FAT1: variants seen among roughly 807,000 people sequenced by gnomAD.
The protein encoded by FAT1 is protocadherin Fat 1.
In FAT1, 171 loss-of-function variants were observed where a neutral mutation model predicts 329.8. The ratio of observed to expected loss-of-function variants is 0.52; its 90% CI spans 0.46 to 0.59. The LOEUF is 0.59. FAT1 is among the 20% of genes least tolerant of loss of function. FAT1 has a pLI of 0.00. For synonymous variants in FAT1, 2,233 were observed against 2,228.6 expected (o/e 1.00, Z -0.06); for missense variants, 5,672 against 5,774.4 (o/e 0.98, Z 0.57).
chr4:186,646,003 A>ACACACG (rs1741368218), intron 3 of FAT1, among the ~76,000 whole-genome samples: 2 of 149,662 alleles, frequency 1.3e-5, no homozygotes, highest in Admixed American at 6.7e-5. Context: ...ACACACACAC[A>ACACACG]CATGAAAGAT....
chr4:186,609,647 C>A (rs535171244), intron 15 of FAT1, among the ~76,000 whole-genome samples, 154 bp downstream of exon 15: 10 of 152,216 alleles, frequency 6.6e-5, no homozygotes, highest in Admixed American at 5.2e-4. Flanking sequence ...TTATTCATAA[C>A]AAAGTCAGCA....
chr4:186,698,727 A>G (rs1330114551), intron 2 of FAT1, among the ~76,000 whole-genome samples: 1 of 152,176 alleles, frequency 6.6e-6, no homozygotes, highest in Non-Finnish European at 1.5e-5. Context: ...TAAATGGGAG[A>G]GCAGGGAGGC....
At chr4:186,604,169 C>G (rs764513989) in intron 18 of FAT1, among the ~76,000 whole-genome samples, 192 bp from the exon 19 acceptor site, 1 of 152,204 alleles carries the variant, frequency 6.6e-6, no homozygotes, top group African/African-American at 2.4e-5. Flanking sequence ...TGAAACCCAG[C>G]TCTGTCAATG....
Position 186,706,997 on chromosome 4 carries a change from G to C in FAT1, c.2831C>G (p.Thr944Ser), listed in dbSNP as rs745685219. 3.7e-6 allele frequency: 6 copies of C among 1,613,874 alleles called. No homozygotes were observed. The highest frequency in any genetic ancestry group is 2.7e-5 in the African/African-American group (2 of 74,918). The change falls in exon 2 of 27, where the codon ACC (threonine) becomes AGC (serine). Residue 944 changes from threonine (T) to serine (S), a missense_variant. Around this residue, in one of 2 missense-constraint regions of FAT1, gnomAD observed 3,966 missense variants for 3,915.2 expected, o/e 1.01. Coordinates refer to ENST00000441802, the MANE Select transcript of FAT1 (RefSeq NM_005245.4). ...GTGGGCTTCTAACCACATGATGACG[G>C]TTCCTTCTGGAAGATCCTCTCGGAC... ...VKVREDLPEGTVIMWLEAHDP... is the reference protein window; with the variant it reads ...VKVREDLPEGSVIMWLEAHDP...
chr4:186,603,022 G>A lies in FAT1; in HGVS notation c.11363C>T (p.Pro3788Leu), dbSNP rs200262460. The A allele has an allele frequency of 6.8e-5, 109 of 1,613,872 alleles. No individual in the cohort carries two copies. In the African/African-American group the frequency reaches 1.0e-3, roughly 15 times the overall value. ...AVCLCKEGRC[P>L]PVHHGCEDDP... is the part of the protein sequence containing the mutation. ...ATCTTCACAGCCATGGTGGACAGGT[G>A]GGCACCTTCCCTCTTCATTCAAAGA... Residue 3788 changes from proline (P) to leucine (L), a missense_variant, in exon 20 of 27, where the codon CCA becomes CTA. Around this residue, in one of 2 missense-constraint regions of FAT1, gnomAD observed 1,706 missense variants for 1,859.1 expected, o/e 0.92. Transcript: ENST00000441802.
Position 186,708,508 on chromosome 4 carries a change from T to C in FAT1, c.1320A>G (p.Thr440=), listed in dbSNP as rs1744767006. 7.4e-6 allele frequency: 12 copies of C among 1,613,962 alleles called. 1 individual carries two copies. Among genetic ancestry groups the C allele is most frequent in the Non-Finnish European group, 1.0e-5 (12 of 1,179,868 alleles). The change falls in exon 2 of 27, where the codon ACA becomes ACG. Residue 440 remains threonine (T), a synonymous_variant. Transcript: ENST00000441802. ...CCTTGGTGGACGCTTTTCTGTCACTTGTTGTTACTTCAAGTTCAAAATGGG... is the reference window on the plus strand; with the variant it reads ...CCTTGGTGGACGCTTTTCTGTCACTCGTTGTTACTTCAAGTTCAAAATGGG... ...QAAHFELEVT[T]SDRKASTKVL...
At chr4:186,663,771 C>T (rs773940066) in intron 2 of FAT1, among the ~76,000 whole-genome samples, 158 bp from the exon 3 acceptor site, 4 of 152,140 alleles carry the variant, frequency 2.6e-5, no homozygotes, top group Non-Finnish European at 4.4e-5. Flanking sequence ...ACTCAGCTTC[C>T]TTTCTTCTAA....
upstream of FAT1, chr4:186,726,292 A>C (rs1457628244): frequency 6.6e-6 from 1 of 152,256 alleles, no homozygotes; most frequent in African/African-American, 2.4e-5. Context: ...CACCCCACGT[A>C]ATTTCATTAA....
At chr4:186,679,416 CAAAAAAAAAAA>C (rs1169141587) in intron 2 of FAT1, among the ~76,000 whole-genome samples, 8 of 50,308 alleles carry the variant, frequency 1.6e-4, no homozygotes, top group Non-Finnish European at 2.9e-4. Context: ...GACTCTGTCT[CAAAAAAAAAAA>C]AAAAAAAAAA....
chr4:186,671,780 C>A (rs780195871), intron 2 of FAT1, among the ~76,000 whole-genome samples: 7 of 151,958 alleles, frequency 4.6e-5, no homozygotes, highest in Non-Finnish European at 8.8e-5. Context: ...CCTTTGAATT[C>A]TTTTAGAAAC....
rs1010564531 is a variant in FAT1 at position 186,619,189 on chromosome 4, G to A, written c.7397C>T (p.Ser2466Leu). The change falls in exon 10 of 27, where the codon TCA (serine) becomes TTA (leucine). Residue 2466 changes from serine (S) to leucine (L), a missense_variant. Physicochemically the swap from Ser to Leu is moderately radical, Grantham distance 145. This residue lies in a region of FAT1 where 3,966 missense variants were observed against 3,915.2 expected (regional missense o/e 1.01). Transcript: ENST00000441802. ...ACTTCTAAAAACTCCATCAGACACT[G>A]ACAGGTTAAGACTGTAAAATGGCTT... The part of the protein sequence containing the change: ...ALKPFYSLNL[S>L]VSDGVFRSST... The A allele has an allele frequency of 1.9e-6, 3 of 1,613,968 alleles. No individual in the cohort carries two copies. The highest frequency in any genetic ancestry group is 2.5e-6 in the Non-Finnish European group (3 of 1,179,900).
At chr4:186,682,432 C>T (rs1451088739) in intron 2 of FAT1, among the ~76,000 whole-genome samples, 1 of 148,926 alleles carries the variant, frequency 6.7e-6, no homozygotes, top group Non-Finnish European at 1.5e-5. Context: ...GAGGCTGAGG[C>T]AGGAGGATTC....
Position 186,588,722 on chromosome 4 carries a change from C to A in FAT1, c.13637G>T (p.Cys4546Phe). The change falls in exon 27 of 27, where the codon TGC (cysteine) becomes TTC (phenylalanine). Residue 4546 changes from cysteine to phenylalanine, a missense_variant. Physicochemically the swap from Cys to Phe is radical, Grantham distance 205 (BLOSUM62 -2). Around this residue, in one of 2 missense-constraint regions of FAT1, gnomAD observed 1,706 missense variants for 1,859.1 expected, o/e 0.92. Coordinates refer to ENST00000441802, the MANE Select transcript of FAT1 (RefSeq NM_005245.4). ...TTCGCAGCAGGCTGACACGTCAGAG[C>A]AGGAGGCGGTGGAGGCGTACACAGA... ...PMSVYASTAS[C>F]SDVSACCEVE... is the part of the protein sequence containing the mutation. 1 of 1,613,978 alleles carries A rather than the reference C, an allele frequency of 6.2e-7. No individual in the cohort carries two copies. Among genetic ancestry groups the A allele is most frequent in the Non-Finnish European group, 8.5e-7 (1 of 1,179,910 alleles).
intron 26 of FAT1, among the ~76,000 whole-genome samples, chr4:186,589,693 A>T (rs927546474): frequency 6.6e-6 from 1 of 152,054 alleles, no homozygotes; most frequent in African/African-American, 2.4e-5. Flanking sequence ...ACTTAAAAAA[A>T]TTTTGCATTT....
chr4:186,653,181 T>C (rs1317222379), intron 3 of FAT1, among the ~76,000 whole-genome samples: 2 of 152,200 alleles, frequency 1.3e-5, no homozygotes, highest in Non-Finnish European at 2.9e-5. Context: ...GCCAACTGTT[T>C]GAGCTGAAAT....
At chr4:186,692,082 T>C (rs181657311) in intron 2 of FAT1, among the ~76,000 whole-genome samples, 1 of 152,280 alleles carries the variant, frequency 6.6e-6, no homozygotes, top group East Asian at 1.9e-4. Context: ...TATATGTCAA[T>C]GTGTTCAAAG....
intron 2 of FAT1, among the ~76,000 whole-genome samples, chr4:186,704,877 A>G (rs1744495210): frequency 6.6e-6 from 1 of 152,152 alleles, no homozygotes; most frequent in Non-Finnish European, 1.5e-5. Context: ...GTGGCACATA[A>G]CCAACAGAGA....
chr4:186,616,821 A>G (rs1261814044), intron 11 of FAT1, among the ~76,000 whole-genome samples, 184 bp downstream of exon 11: 2 of 152,146 alleles, frequency 1.3e-5, no homozygotes, highest in African/African-American at 4.8e-5. Flanking sequence ...CTTTTGATTT[A>G]TTGAGCATTC....
intron 1 of FAT1, among the ~76,000 whole-genome samples, chr4:186,723,046 A>G (rs1561022907): frequency 6.6e-6 from 1 of 151,658 alleles, no homozygotes; most frequent in South Asian, 2.1e-4. Flanking sequence ...AAAAGAAAGC[A>G]TTTTTTTTTA....
Sources: allele counts gnomAD v4.1 joint callset (sites outside exome capture counted in the v4.1 genomes callset), GRCh38; gene constraint gnomAD v4.1.1; regional missense constraint gnomAD v4.1.1; transcripts MANE v1.5; gene names NCBI Gene and HGNC (gene_info 2026-07-23, HGNC 2026-07-21).